Variants in SEMA4B observed in about 807,000 individuals in gnomAD.
SEMA4B encodes semaphorin-4B.
SEMA4B carries 55 observed loss-of-function variants against 88.1 expected under a neutral mutation model. That is an observed-to-expected ratio of 0.62 (90% CI 0.50 to 0.78). The LOEUF (loss-of-function observed/expected upper bound fraction) is 0.78. SEMA4B is among the 30% of genes least tolerant of loss of function. The pLI is 0.00. For synonymous variants in SEMA4B, 525 were observed against 473.6 expected (o/e 1.11, Z -1.41); for missense variants, 1,062 against 1,111.9 (o/e 0.96, Z 0.64).
chr15:90,228,033 G>A lies in SEMA4B; in HGVS notation c.1904G>A (p.Cys635Tyr), dbSNP rs764645053. The part of the protein sequence containing the change: ...NGAPVNASAS[C>Y]HVLPTGDLLL... ...GCCCCCGTCAATGCCTCGGCCTCCT[G>A]CCACGTGCTACCCACTGGGGACCTG... is the stretch of plus-strand genomic sequence containing the variant. The change falls in exon 14 of 14, where the codon TGC (cysteine) becomes TAC (tyrosine). Residue 635 changes from cysteine (C) to tyrosine (Y), a missense_variant. By Grantham distance (194) the Cys-to-Tyr change is radical. Transcript: ENST00000411539. 4 of 1,613,750 alleles carry A rather than the reference G, an allele frequency of 2.5e-6. No homozygotes were observed. The highest frequency in any genetic ancestry group is 1.7e-5 in the Admixed American group (1 of 59,996).
In SEMA4B at chr15:90,201,538, CT is replaced by C; in HGVS notation, c.-40del. ...CCGCCCGTGAGTCCGGCCGAGCCAC[CT>C]GAGCCCGAGCCGCGGGACACCGTCG... On this transcript the variant is annotated 5_prime_UTR_variant, in exon 1 of 14. Coordinates refer to ENST00000411539, the MANE Select transcript of SEMA4B (RefSeq NM_198925.4). 7.1e-7 allele frequency: 1 copy of C among 1,414,086 alleles called. No individual in the cohort carries two copies. Among genetic ancestry groups the C allele is most frequent in the South Asian group, 1.5e-5 (1 of 67,848 alleles). The allele number at this position is 1,414,086 out of a possible 1,614,324, so 87.6% of individuals were successfully genotyped here.
intron 1 of SEMA4B, among the ~76,000 whole-genome samples, chr15:90,213,318 A>G (rs904118771): frequency 6.6e-6 from 1 of 152,218 alleles, no homozygotes; most frequent in Non-Finnish European, 1.5e-5. Context: ...CATGGCTTTC[A>G]GTCTGACTCT....
In SEMA4B at chr15:90,225,750, C is replaced by T. The variant is rs370431977; in HGVS notation, c.1611C>T (p.Leu537=). The change falls in exon 12 of 14, where the codon CTC becomes CTT. Residue 537 remains leucine, a synonymous_variant. Transcript: ENST00000411539. ...SLYRSCGDCL[L]ARDPYCAWSG... is the part of the protein sequence containing the mutation. ...ACAGGAGCTGTGGGGACTGCCTCCTCGCCCGGGACCCCTACTGTGCTTGGA... is the reference window on the plus strand; with the variant it reads ...ACAGGAGCTGTGGGGACTGCCTCCTTGCCCGGGACCCCTACTGTGCTTGGA... 27 of 1,576,362 alleles carry T rather than the reference C, an allele frequency of 1.7e-5. No individual in the cohort carries two copies. Among genetic ancestry groups the T allele is most frequent in the East Asian group, 1.4e-4 (6 of 42,520 alleles).
chr15:90,185,988 C>T (rs1168925749), intron 1 of SEMA4B, among the ~76,000 whole-genome samples: 2 of 126,356 alleles, frequency 1.6e-5, no homozygotes, highest in Non-Finnish European at 3.1e-5. Context: ...GGCTACAGTG[C>T]AGTAGCGCGA....
At chr15:90,186,157 C>T (rs915311800) in intron 1 of SEMA4B, among the ~76,000 whole-genome samples, 1 of 151,986 alleles carries the variant, frequency 6.6e-6, no homozygotes, top group South Asian at 2.1e-4. Flanking sequence ...TGGTCTCCAA[C>T]TCCTGAGCTC....
intron 1 of SEMA4B, among the ~76,000 whole-genome samples, chr15:90,189,181 AGAG>A (rs969981463): frequency 1.3e-5 from 2 of 151,910 alleles, no homozygotes; most frequent in African/African-American, 4.8e-5. Context: ...GAAGGAAGGG[AGAG>A]GAGAGAAGTG....
chr15:90,206,937 C>A, intron 1 of SEMA4B: 2 of 631,918 alleles, frequency 3.2e-6, no homozygotes, highest in Non-Finnish European at 5.7e-6. Flanking sequence ...CCAAGCATGT[C>A]ATCAGAGAGA....
At chr15:90,225,933 C>T in intron 12 of SEMA4B, 106 bp downstream of exon 12, 2 of 851,780 alleles carry the variant, frequency 2.3e-6, no homozygotes, top group Non-Finnish European at 3.3e-6. Flanking sequence ...TCGTTTATGT[C>T]CACTGTCTCA....
chr15:90,188,930 A>C (rs1453509095), intron 1 of SEMA4B, among the ~76,000 whole-genome samples: 1 of 152,082 alleles, frequency 6.6e-6, no homozygotes, highest in African/African-American at 2.4e-5. Context: ...CAGCCTCCCA[A>C]AGTGCTGGGA....
intron 7 of SEMA4B, 130 bp from the exon 8 acceptor site, chr15:90,223,429 C>G (rs1025378276): frequency 1.0e-4 from 72 of 721,700 alleles, no homozygotes; most frequent in Non-Finnish European, 1.4e-4. Context: ...TTAGATGGAA[C>G]TTGGTCCTGG....
Position 90,221,354 on chromosome 15 carries a change from G to A in SEMA4B, c.596-13G>A. ...CTGAGGAGCCCATTCCCATGGGAAT[G>A]TTTTCTTGGCAGATGGCGAGCTCTA... On this transcript the variant is annotated splice_polypyrimidine_tract_variant and intron_variant, in intron 5 of 13. Coordinates refer to ENST00000411539, the MANE Select transcript of SEMA4B (RefSeq NM_198925.4). 7.0e-7 allele frequency: 1 copy of A among 1,437,266 alleles called. No homozygotes were observed. The highest frequency in any genetic ancestry group is 1.4e-5 in the South Asian group (1 of 69,152). 89.0% of individuals were successfully genotyped at this position (1,437,266 alleles called of 1,614,324 possible).
chr15:90,219,765 C>A, intron 3 of SEMA4B, 28 bp from the exon 4 acceptor site: 1 of 1,581,468 alleles, frequency 6.3e-7, no homozygotes, highest in Non-Finnish European at 8.7e-7. Context: ...GGGCGTGGGA[C>A]TGATATCCCC....
chr15:90,224,062 C>A, intron 9 of SEMA4B, 74 bp downstream of exon 9: 1 of 1,451,748 alleles, frequency 6.9e-7, no homozygotes, highest in Non-Finnish European at 9.3e-7. Context: ...GGGAGCAAGG[C>A]TGCCTAGCCT....
rs1296479677 is a variant in SEMA4B, at chr15:90,203,272, A to G, written c.157+1537A>G. 7.2e-5 allele frequency among the ~76,000 whole-genome samples: 11 copies of G among 152,248 alleles called. No homozygotes were observed. In the East Asian group the frequency reaches 2.1e-3, roughly 29 times the overall value. On this transcript the variant is annotated intron_variant, in intron 1 of 13. Coordinates refer to ENST00000411539, the MANE Select transcript of SEMA4B (RefSeq NM_198925.4). ...GCCCCTTGGGTGCTTCAGCTTGTGAAGTCAGGATGAACAGGTGTAACCAGC... is the reference window on the plus strand; with the variant it reads ...GCCCCTTGGGTGCTTCAGCTTGTGAGGTCAGGATGAACAGGTGTAACCAGC...
chr15:90,225,870 A>C (rs1036093868), intron 12 of SEMA4B, 43 bp downstream of exon 12: 10 of 1,433,326 alleles, frequency 7.0e-6, no homozygotes, highest in African/African-American at 4.3e-5. Flanking sequence ...CCAGCCCTGC[A>C]CAGGTGACCT....
Position 90,224,988 on chromosome 15 carries a change from G to T in SEMA4B, c.1215G>T (p.Arg405=). 2 of 1,613,954 alleles carry T rather than the reference G, an allele frequency of 1.2e-6. No individual in the cohort carries two copies. Among genetic ancestry groups the T allele is most frequent in the African/African-American group, 2.7e-5 (2 of 75,038 alleles). Residue 405 remains arginine (R), a synonymous_variant, in exon 10 of 14, where the codon CGG becomes CGT. Coordinates refer to ENST00000411539, the MANE Select transcript of SEMA4B (RefSeq NM_198925.4). The part of the protein sequence containing the change: ...RPGACITNSA[R]ERKINSSLQL... ...TCCAGTGCATCACCAACAGTGCCCGGGAAAGGAAGATCAACTCATCCCTGC... is the reference window on the plus strand; with the variant it reads ...TCCAGTGCATCACCAACAGTGCCCGTGAAAGGAAGATCAACTCATCCCTGC...
rs909902844 is a variant in SEMA4B at position 90,201,576 on chromosome 15, C to G, written c.-3C>G. The stretch of plus-strand genomic sequence containing the variant: ...GCGGGACACCGTCGCTCCTGCTCTC[C>G]GAATGCTGCGCACCGCGATGGGCCT... On this transcript the variant is annotated 5_prime_UTR_variant, in exon 1 of 14. Transcript: ENST00000411539. The G allele has an allele frequency of 6.7e-6, 10 of 1,493,390 alleles. No individual in the cohort carries two copies. Among genetic ancestry groups the G allele is most frequent in the Non-Finnish European group, 8.0e-6 (9 of 1,128,702 alleles). The allele number at this position is 1,493,390 out of a possible 1,614,324, so 92.5% of individuals were successfully genotyped here. A position where few individuals can be genotyped will look rare whatever the true frequency, so the allele number is the denominator to read the frequency against.
At chr15:90,221,823 G>C in intron 7 of SEMA4B, 58 bp downstream of exon 7, 1 of 1,559,430 alleles carries the variant, frequency 6.4e-7, no homozygotes, top group Non-Finnish European at 8.7e-7. Context: ...CTCCACAGCT[G>C]CAAGATCACC....
chr15:90,186,385 C>T (rs7178346), intron 1 of SEMA4B, among the ~76,000 whole-genome samples: 9,984 of 151,250 alleles, frequency 0.066, 1,026 homozygotes, highest in African/African-American at 0.23. Context: ...TTTGGGAGGT[C>T]GAGGCAGGCG....
Sources: allele counts gnomAD v4.1 joint callset (sites outside exome capture counted in the v4.1 genomes callset), GRCh38; gene constraint gnomAD v4.1.1; transcripts MANE v1.5; gene names NCBI Gene and HGNC (gene_info 2026-07-23, HGNC 2026-07-21).